ZMIZ1: variants seen among roughly 807,000 people sequenced by gnomAD.
The protein encoded by ZMIZ1 is zinc finger MIZ-type containing 1, also known as zinc finger MIZ domain-containing protein 1.
Under a neutral mutation model 113.9 loss-of-function variants are expected in ZMIZ1, and 17 were observed. The observed-to-expected ratio is 0.15, with a 90% CI of 0.10 to 0.22. The LOEUF (loss-of-function observed/expected upper bound fraction) is 0.22. ZMIZ1 is among the 10% of genes least tolerant of loss of function. The pLI is 1.00. For missense variants in ZMIZ1, 1,059 were observed against 1,477.8 expected, an observed-to-expected ratio of 0.72 and a Z score of 4.65; for synonymous variants, 607 against 603.1, an observed-to-expected ratio of 1.01 and a Z score of -0.09.
chr10:79,113,260 C>T (rs1435392377), intron 1 of ZMIZ1, among the ~76,000 whole-genome samples: 5 of 152,238 alleles, frequency 3.3e-5, no homozygotes, highest in Non-Finnish European at 1.5e-5. Context: ...AGCCTGTCTT[C>T]TGAGCAGCTC....
chr10:79,078,774 T>G (rs1341628022), intron 1 of ZMIZ1, among the ~76,000 whole-genome samples: 1 of 150,492 alleles, frequency 6.6e-6, no homozygotes, highest in Non-Finnish European at 1.5e-5. Context: ...GATCTTGAAC[T>G]GCTGGGCTCA....
At chr10:79,266,936 A>G (rs1324137707) in intron 7 of ZMIZ1, among the ~76,000 whole-genome samples, 1 of 152,162 alleles carries the variant, frequency 6.6e-6, no homozygotes, top group East Asian at 1.9e-4. Context: ...TAGGAATCCT[A>G]GTTCCTGCCC....
intron 16 of ZMIZ1, among the ~76,000 whole-genome samples, chr10:79,299,702 A>G (rs905176932): frequency 2.6e-5 from 4 of 152,226 alleles, no homozygotes; most frequent in Admixed American, 1.3e-4. Context: ...AGCCAGGCCC[A>G]TGCTCAGCAC....
rs56903717 is a variant in ZMIZ1, at chr10:79,240,638, C to CTTTTTTTTTTTTTTTTTTTTTTTTTTT, written c.280+24365_280+24391dup. On this transcript the variant is annotated intron_variant, in intron 7 of 24. Coordinates refer to ENST00000334512, the MANE Select transcript of ZMIZ1 (RefSeq NM_020338.4). ...CGTAAATCTAGTGAAGAGTATTTATCTTTTTTTTTTTTTTTTTTTTTTTTT... is the reference window on the plus strand; with the variant it reads ...CGTAAATCTAGTGAAGAGTATTTATCTTTTTTTTTTTTTTTTTTTTTTTTTTTTTTTTTTTTTTTTTTTTTTTTTTTT... Among the ~76,000 whole-genome samples, 18 of 55,322 alleles carry CTTTTTTTTTTTTTTTTTTTTTTTTTTT rather than the reference C, an allele frequency of 3.3e-4. 4 individuals carry two copies. Among genetic ancestry groups the CTTTTTTTTTTTTTTTTTTTTTTTTTTT allele is most frequent in the Middle Eastern group, 0.018 (1 of 56 alleles). The allele number at this position is 55,322 out of a possible 152,430, so 36.3% of individuals were successfully genotyped here.
At chr10:79,130,145 C>T (rs1441569267) in intron 2 of ZMIZ1, among the ~76,000 whole-genome samples, 4 of 152,212 alleles carry the variant, frequency 2.6e-5, no homozygotes, top group African/African-American at 9.6e-5. Flanking sequence ...CTCAGCATCT[C>T]ACCCCTGCTG....
intron 1 of ZMIZ1, among the ~76,000 whole-genome samples, chr10:79,096,868 CAG>C (rs750182820): frequency 5.3e-5 from 8 of 152,186 alleles, no homozygotes; most frequent in Non-Finnish European, 7.4e-5. Context: ...AAGAAACAAA[CAG>C]GGTGCTGAAT....
At chr10:79,208,313 C>T (rs374354292) in intron 5 of ZMIZ1, 23 bp from the exon 6 acceptor site, 196 of 1,606,014 alleles carry the variant, frequency 1.2e-4, no homozygotes, top group Middle Eastern at 8.3e-4. Flanking sequence ...GAGCCTCAGC[C>T]GCCTCCTTTT....
At chr10:79,243,185 G>T (rs1849957046) in intron 7 of ZMIZ1, among the ~76,000 whole-genome samples, 1 of 151,228 alleles carries the variant, frequency 6.6e-6, no homozygotes. Context: ...CACACGCAGG[G>T]TGGGTGGTCA....
chr10:79,136,370 C>T (rs1016093345), intron 2 of ZMIZ1, among the ~76,000 whole-genome samples: 1 of 152,258 alleles, frequency 6.6e-6, no homozygotes, highest in African/African-American at 2.4e-5. Flanking sequence ...TGGCAAGGAC[C>T]CCAGCCCTGC....
In ZMIZ1 at chr10:79,296,601, C is replaced by T. The variant is rs759110840; in HGVS notation, c.1361C>T (p.Pro454Leu). The T allele has an allele frequency of 3.1e-6, 5 of 1,610,938 alleles. No homozygotes were observed. Among genetic ancestry groups the T allele is most frequent in the Non-Finnish European group, 3.4e-6 (4 of 1,178,260 alleles). ...NYPGQRMPSQ[P>L]SSGQYPPPTV... The stretch of plus-strand genomic sequence containing the variant: ...CCAGGACAGAGGATGCCCAGCCAGC[C>T]GAGCTCCGGGCAGTACCCGCCCCCC... The change falls in exon 13 of 25, where the codon CCG becomes CTG. Residue 454 changes from proline to leucine, a missense_variant. By Grantham distance (98) the Pro-to-Leu change is moderately conservative. Around this residue, in one of 6 missense-constraint regions of ZMIZ1, gnomAD observed 239 missense variants for 247.5 expected, o/e 0.97. Coordinates refer to ENST00000334512, the MANE Select transcript of ZMIZ1 (RefSeq NM_020338.4). This position sits in a 1 kb window ranked among gnomAD's most constrained non-coding sequence, Gnocchi z 4.1.
intron 3 of ZMIZ1, among the ~76,000 whole-genome samples, chr10:79,152,669 T>G (rs1303079433): frequency 1.3e-5 from 2 of 152,226 alleles, no homozygotes; most frequent in African/African-American, 4.8e-5. Flanking sequence ...GTGCATGGGT[T>G]CTGGAGCCCA....
intron 18 of ZMIZ1, among the ~76,000 whole-genome samples, chr10:79,302,705 T>TTTTTTTTTTA (rs1220394783): frequency 1.1e-5 from 1 of 92,422 alleles, no homozygotes; most frequent in Admixed American, 1.3e-4. Flanking sequence ...TTTTTTTTTT[T>TTTTTTTTTTA]GAGAGAGAGA....
chr10:79,167,105 C>T (rs1846387929), intron 4 of ZMIZ1, among the ~76,000 whole-genome samples: 1 of 152,348 alleles, frequency 6.6e-6, no homozygotes, highest in East Asian at 1.9e-4. Flanking sequence ...GGAAGCCTTC[C>T]TCAGGCCACA....
At chr10:79,127,770 G>T (rs947033194) in intron 2 of ZMIZ1, among the ~76,000 whole-genome samples, 4 of 152,168 alleles carry the variant, frequency 2.6e-5, no homozygotes, top group African/African-American at 9.7e-5. Context: ...GCTGCTGGGG[G>T]CCAGCAGGAG....
At position 79,087,867 on chromosome 10, in the gene ZMIZ1, C is replaced by T. The variant is rs115707976; in HGVS notation, c.-337+18597C>T. Among the ~76,000 whole-genome samples, 390 of 152,302 alleles carry T rather than the reference C, an allele frequency of 2.6e-3. 4 individuals are homozygous for T. The highest frequency in any genetic ancestry group is 8.9e-3 in the African/African-American group (371 of 41,562). On this transcript the variant is annotated intron_variant, in intron 1 of 24. Coordinates refer to ENST00000334512, the MANE Select transcript of ZMIZ1 (RefSeq NM_020338.4). Reference sequence around the variant, plus strand: ...AAGCGGATTGGTCCTCCCCTTGCCCCGGTTCCCCAGGCACTGTTTCCTGAC... The same window carrying T: ...AAGCGGATTGGTCCTCCCCTTGCCCTGGTTCCCCAGGCACTGTTTCCTGAC...
At chr10:79,109,713 C>T (rs1843671907) in intron 1 of ZMIZ1, among the ~76,000 whole-genome samples, 2 of 152,244 alleles carry the variant, frequency 1.3e-5, no homozygotes, top group African/African-American at 4.8e-5. Flanking sequence ...GTCAGGCAGC[C>T]AGGTGCACAA....
chr10:79,296,490 A>G lies in ZMIZ1; in HGVS notation c.1250A>G (p.Gln417Arg), dbSNP rs1200516905. 2 of 1,613,880 alleles carry G rather than the reference A, an allele frequency of 1.2e-6. No individual in the cohort carries two copies. The highest frequency in any genetic ancestry group is 1.7e-6 in the Non-Finnish European group (2 of 1,179,980). ...CCACAGCCCAACTATGGAAACCAGC[A>G]ATATGGACCAAACAGCCAGTTCCCC... is the stretch of plus-strand genomic sequence containing the variant. ...YPGEPNYGNQ[Q>R]YGPNSQFPTQ... Residue 417 changes from glutamine (Q) to arginine (R), a missense_variant, in exon 13 of 25, where the codon CAA (glutamine) becomes CGA (arginine). Gln to Arg is a conservative substitution (Grantham distance 43). This residue lies in a region of ZMIZ1 where 239 missense variants were observed against 247.5 expected (regional missense o/e 0.97). Coordinates refer to ENST00000334512, the MANE Select transcript of ZMIZ1 (RefSeq NM_020338.4). The surrounding 1 kb of genome is among the most constrained non-coding windows in gnomAD (Gnocchi z 4.1).
chr10:79,099,235 C>T (rs1046410837), intron 1 of ZMIZ1, among the ~76,000 whole-genome samples: 1 of 152,088 alleles, frequency 6.6e-6, no homozygotes, highest in Non-Finnish European at 1.5e-5. Context: ...TGCTGGGGAC[C>T]CACCGTGAGG....
intron 4 of ZMIZ1, among the ~76,000 whole-genome samples, chr10:79,165,962 G>GTCTGGGCTCTTCCTGCAGCTCAGC (rs1846315141): frequency 1.6e-5 from 1 of 61,128 alleles, no homozygotes; most frequent in Non-Finnish European, 4.9e-5. Flanking sequence ...GTGTGTGTGT[G>GTCTGGGCTCTTCCTGCAGCTCAGC]TGTGTGTGTG....
Sources: gnomAD v4.1 joint callset for allele counts (sites outside exome capture counted in the v4.1 genomes callset) on GRCh38, gnomAD v4.1.1 for gene constraint, gnomAD v4.1.1 regional missense constraint, Gnocchi (gnomAD v3.1) non-coding constraint, MANE v1.5 for transcripts, NCBI Gene and HGNC (gene_info 2026-07-23, HGNC 2026-07-21) for gene names.